PACRG: variants seen among roughly 807,000 people sequenced by gnomAD.
PACRG encodes parkin coregulated gene protein.
In PACRG, 29 loss-of-function variants were observed where a neutral mutation model predicts 29.7. The ratio of observed to expected loss-of-function variants is 0.98; its 90% CI spans 0.73 to 1.33. The LOEUF (loss-of-function observed/expected upper bound fraction) is 1.33. Among genes scored for constraint, PACRG ranks in the 40% most tolerant of loss-of-function variants. PACRG has a pLI of 0.00. For synonymous variants in PACRG, 116 were observed against 118.7 expected (o/e 0.98, Z 0.15); for missense variants, 279 against 316.2 (o/e 0.88, Z 0.89).
At chr6:163,015,984 G>T (rs371505918) in intron 2 of PACRG, among the ~76,000 whole-genome samples, 1 of 152,184 alleles carries the variant, frequency 6.6e-6, no homozygotes, top group Non-Finnish European at 1.5e-5. Flanking sequence ...TATGACCTGT[G>T]TAATACCTTG....
chr6:162,859,706 A>G (rs1791694994), intron 2 of PACRG, among the ~76,000 whole-genome samples: 1 of 152,202 alleles, frequency 6.6e-6, no homozygotes, highest in Admixed American at 6.5e-5. Flanking sequence ...GCCAAGAAGA[A>G]GCTAAACAAA....
intron 2 of PACRG, among the ~76,000 whole-genome samples, chr6:163,027,843 C>G (rs1285836310): frequency 6.6e-6 from 1 of 152,218 alleles, no homozygotes; most frequent in Non-Finnish European, 1.5e-5. Context: ...ATTTCTCATT[C>G]ATGCGCCCAT....
chr6:163,303,875 G>C (rs1485691896), intron 4 of PACRG, among the ~76,000 whole-genome samples: 2 of 151,740 alleles, frequency 1.3e-5, no homozygotes, highest in African/African-American at 4.8e-5. Flanking sequence ...AATTAGCCAG[G>C]CATGGTGGCG....
intron 4 of PACRG, among the ~76,000 whole-genome samples, chr6:163,221,836 G>T (rs542306851): frequency 0.013 from 1,912 of 152,246 alleles, 54 homozygotes; most frequent in African/African-American, 0.043. Flanking sequence ...CCAGGCACAG[G>T]TGTGTATTGG....
rs190142164 is a variant in PACRG, at chr6:163,208,146, G to A, written c.614-106681G>A. Among the ~76,000 whole-genome samples, 7 of 152,262 alleles carry A rather than the reference G, an allele frequency of 4.6e-5. No individual in the cohort carries two copies. In the East Asian group the frequency reaches 1.4e-3, roughly 29 times the overall value. ...TTGTAGTTAAACTTGGTGTTATCCT[G>A]TTAGTAAACTAGCTTATATTGCACA... On this transcript the variant is annotated intron_variant, in intron 4 of 4. Coordinates refer to ENST00000366888, the MANE Select transcript of PACRG (RefSeq NM_001080379.2).
intron 1 of PACRG, among the ~76,000 whole-genome samples, chr6:162,768,938 C>A (rs1291536966): frequency 1.3e-5 from 2 of 152,146 alleles, no homozygotes; most frequent in Non-Finnish European, 2.9e-5. Context: ...CTGTTATAAA[C>A]ACTTCCTGTT....
At chr6:163,163,710 A>G (rs1778666175) in intron 4 of PACRG, among the ~76,000 whole-genome samples, 1 of 152,138 alleles carries the variant, frequency 6.6e-6, no homozygotes, top group African/African-American at 2.4e-5. Flanking sequence ...TTTATGAGTC[A>G]TTCAAAAAGT....
intron 3 of PACRG, 134 bp from the exon 4 acceptor site, chr6:163,089,125 A>G (rs1392604916): frequency 3.7e-6 from 3 of 816,304 alleles, no homozygotes; most frequent in African/African-American, 3.5e-5. Context: ...CAAAGCTATA[A>G]TAATAAAGGC....
chr6:163,175,940 A>C (rs535753091), intron 4 of PACRG, among the ~76,000 whole-genome samples: 1 of 152,172 alleles, frequency 6.6e-6, no homozygotes, highest in Non-Finnish European at 1.5e-5. Context: ...AATCTAAAGC[A>C]CAGTTTGTGT....
At chr6:162,971,340 T>C (rs1801511332) in intron 2 of PACRG, among the ~76,000 whole-genome samples, 1 of 152,148 alleles carries the variant, frequency 6.6e-6, no homozygotes. Flanking sequence ...ACCTGTGTAA[T>C]CCACGAAGTC....
At chr6:162,737,584 G>A (rs1780264008) in intron 1 of PACRG, among the ~76,000 whole-genome samples, 2 of 152,096 alleles carry the variant, frequency 1.3e-5, no homozygotes, top group Non-Finnish European at 2.9e-5. Context: ...TTTAACGAAT[G>A]TCCACAGTTT....
At chr6:163,181,200 A>G (rs1350115766) in intron 4 of PACRG, among the ~76,000 whole-genome samples, 1 of 152,190 alleles carries the variant, frequency 6.6e-6, no homozygotes, top group African/African-American at 2.4e-5. Flanking sequence ...CTGACCCTGA[A>G]ACCTACTTGC....
chr6:163,051,440 C>T (rs528516298), intron 2 of PACRG: 10 of 152,098 alleles, frequency 6.6e-5, no homozygotes, highest in African/African-American at 2.2e-4. Flanking sequence ...GGCCCGGGCC[C>T]CAAGGGTTTC....
chr6:163,076,810 T>A (rs543171230), intron 3 of PACRG, among the ~76,000 whole-genome samples: 1 of 152,276 alleles, frequency 6.6e-6, no homozygotes, highest in East Asian at 1.9e-4. Flanking sequence ...AAGCCTCTTC[T>A]GATTCACCTC....
chr6:162,853,508 A>G lies in PACRG; in HGVS notation c.291+39227A>G, dbSNP rs55709292. 7.3e-3 allele frequency among the ~76,000 whole-genome samples: 1,107 copies of G among 152,286 alleles called. 9 individuals carry two copies. The highest frequency in any genetic ancestry group is 0.013 in the South Asian group (63 of 4,830). The stretch of plus-strand genomic sequence containing the variant: ...TGTAGCCAATCTTCTTGTTTTTATC[A>G]CAGCCTTAATAAGACAGAAAGAAAT... On this transcript the variant is annotated intron_variant, in intron 2 of 4. Coordinates refer to ENST00000366888, the MANE Select transcript of PACRG (RefSeq NM_001080379.2). This position sits in a 1 kb window ranked among gnomAD's most constrained non-coding sequence, Gnocchi z 4.7.
intron 2 of PACRG, among the ~76,000 whole-genome samples, chr6:162,931,192 G>T (rs1181972154): frequency 6.6e-6 from 1 of 151,662 alleles, no homozygotes; most frequent in Non-Finnish European, 1.5e-5. Context: ...TGATTTATGA[G>T]AGTTCTTTTT....
chr6:162,897,762 G>C (rs1795273771), intron 2 of PACRG, among the ~76,000 whole-genome samples: 2 of 152,230 alleles, frequency 1.3e-5, no homozygotes, highest in African/African-American at 4.8e-5. Context: ...GTATTAGTGA[G>C]TGGGGTGTAT....
At chr6:163,294,488 C>T (rs1784721254) in intron 4 of PACRG, among the ~76,000 whole-genome samples, 1 of 152,004 alleles carries the variant, frequency 6.6e-6, no homozygotes, top group Admixed American at 6.6e-5. Context: ...TCAGTTTTCC[C>T]CAAATGTAAA....
At chr6:163,118,321 G>A (rs1816111810) in intron 4 of PACRG, among the ~76,000 whole-genome samples, 1 of 152,210 alleles carries the variant, frequency 6.6e-6, no homozygotes, top group Non-Finnish European at 1.5e-5. Flanking sequence ...CACCTCCTGA[G>A]TGATAGTGGC....
Sources: allele counts gnomAD v4.1 joint callset (sites outside exome capture counted in the v4.1 genomes callset), GRCh38; gene constraint gnomAD v4.1.1; non-coding constraint Gnocchi (gnomAD v3.1); transcripts MANE v1.5; gene names NCBI Gene and HGNC (gene_info 2026-07-23, HGNC 2026-07-21).